The following DCC variants were observed in gnomAD, a reference collection of about 807,000 sequenced individuals.
DCC encodes DCC netrin 1 receptor.
In DCC, 58 loss-of-function variants were observed where a neutral mutation model predicts 172.5. That is an observed-to-expected ratio of 0.34 (90% CI 0.27 to 0.42). DCC has a LOEUF of 0.42. Among genes scored for constraint, DCC ranks in the 10% least tolerant of loss-of-function variants. The probability of loss-of-function intolerance (pLI) is 1.00; values close to 1 mark genes in which losing one functional copy is unlikely to be tolerated. For synonymous variants in DCC, 709 were observed against 644.5 expected, an observed-to-expected ratio of 1.10 and a Z score of -1.52; for missense variants, 1,740 against 1,791.0, an observed-to-expected ratio of 0.97 and a Z score of 0.51.
At chr18:53,300,315 C>G (rs1349679290) in intron 12 of DCC, among the ~76,000 whole-genome samples, 6 of 152,250 alleles carry the variant, frequency 3.9e-5, no homozygotes, top group South Asian at 2.1e-4. Context: ...ACGTTCCCAG[C>G]TGAGGTTGAA....
intron 12 of DCC, among the ~76,000 whole-genome samples, chr18:53,260,331 G>A (rs1192540316): frequency 6.6e-6 from 1 of 152,078 alleles, no homozygotes; most frequent in Non-Finnish European, 1.5e-5. Flanking sequence ...TGTCTTTGTG[G>A]TTTTATCTAC....
At position 53,381,838 on chromosome 18, in the gene DCC, T is replaced by G. The variant is rs539858422; in HGVS notation, c.2360-4205T>G. On this transcript the variant is annotated intron_variant, in intron 15 of 28. Transcript: ENST00000442544. ...CAGGAATTTATTGTATTTATTTAAA[T>G]TATCTGCCAACACTGAAAAATTTGA... Among the ~76,000 whole-genome samples the G allele has an allele frequency of 7.9e-5, 12 of 152,100 alleles. No individual in the cohort carries two copies. The East Asian group carries it at 1.9e-3, about 24-fold the overall frequency.
intron 5 of DCC, among the ~76,000 whole-genome samples, chr18:52,939,441 T>C (rs2040428173): frequency 6.6e-6 from 1 of 152,204 alleles, no homozygotes; most frequent in African/African-American, 2.4e-5. Context: ...GTCTCCCCAG[T>C]GAAATATAAA....
intron 2 of DCC, among the ~76,000 whole-genome samples, chr18:52,845,930 T>C (rs1397369424): frequency 6.6e-6 from 1 of 152,184 alleles, no homozygotes; most frequent in South Asian, 2.1e-4. Flanking sequence ...TTCTGATTGA[T>C]TATACTTAAG....
chr18:53,529,082 A>G (rs2046496322), intron 28 of DCC, among the ~76,000 whole-genome samples: 1 of 145,718 alleles, frequency 6.9e-6, no homozygotes, highest in African/African-American at 2.6e-5. Flanking sequence ...ACACACACAC[A>G]CATTGTATGT....
intron 27 of DCC, among the ~76,000 whole-genome samples, chr18:53,513,845 C>T (rs1337055491): frequency 6.7e-6 from 1 of 149,964 alleles, no homozygotes; most frequent in Non-Finnish European, 1.5e-5. Flanking sequence ...GCGACTTAGA[C>T]TCCCACACAT....
chr18:52,472,982 C>A (rs1988989894), intron 1 of DCC, among the ~76,000 whole-genome samples: 2 of 152,138 alleles, frequency 1.3e-5, no homozygotes, highest in South Asian at 2.1e-4. Context: ...AAGAGTATTT[C>A]AAATTTCAGA....
chr18:52,804,677 C>G (rs1381594020), intron 2 of DCC, among the ~76,000 whole-genome samples: 2 of 152,148 alleles, frequency 1.3e-5, no homozygotes, highest in Non-Finnish European at 2.9e-5. Flanking sequence ...AGCGATTCTC[C>G]TGCTTGAACA....
rs561871787 is a variant in DCC at position 53,100,927 on chromosome 18, GA to G, written c.1261+34762del. Among the ~76,000 whole-genome samples, 50 of 151,822 alleles carry G rather than the reference GA, an allele frequency of 3.3e-4. No individual in the cohort carries two copies. The South Asian group carries it at 0.01, about 32-fold the overall frequency. The stretch of plus-strand genomic sequence containing the variant: ...ATAACCACACAGAGCATATTTTGGA[GA>G]TTCAATTTTTATGTAATGGGTGTCG... On this transcript the variant is annotated intron_variant, in intron 7 of 28. Transcript: ENST00000442544.
intron 2 of DCC, among the ~76,000 whole-genome samples, chr18:52,903,775 G>C (rs936146892): frequency 2.0e-5 from 3 of 152,120 alleles, no homozygotes; most frequent in African/African-American, 7.2e-5. Context: ...CCTCATATCT[G>C]TCACTACTCA....
At chr18:52,889,046 C>A (rs1221463271) in intron 2 of DCC, among the ~76,000 whole-genome samples, 3 of 151,902 alleles carry the variant, frequency 2.0e-5, no homozygotes, top group African/African-American at 7.2e-5. Flanking sequence ...GGAAGCTCAA[C>A]AGGGGAGGGA....
chr18:52,867,171 T>G lies in DCC; in HGVS notation c.413-38873T>G, dbSNP rs139787653. Among the ~76,000 whole-genome samples, 6 of 152,368 alleles carry G rather than the reference T, an allele frequency of 3.9e-5. No homozygotes were observed. In the East Asian group the frequency reaches 1.2e-3, roughly 29 times the overall value. On this transcript the variant is annotated intron_variant, in intron 2 of 28. Coordinates refer to ENST00000442544, the MANE Select transcript of DCC (RefSeq NM_005215.4). ...TTTGTCATTGGTTCTGTTTATGTGA[T>G]GAATTATTTTTATTGATTTGCATAT...
intron 1 of DCC, among the ~76,000 whole-genome samples, chr18:52,595,847 G>T (rs1180485845): frequency 6.6e-6 from 1 of 152,168 alleles, no homozygotes; most frequent in African/African-American, 2.4e-5. Flanking sequence ...GAGCAAGAGA[G>T]GACCTAGGAC....
At chr18:53,435,080 A>G in intron 21 of DCC, 64 bp from the exon 22 acceptor site, 1 of 1,223,320 alleles carries the variant, frequency 8.2e-7, no homozygotes, top group Non-Finnish European at 1.2e-6. Flanking sequence ...TAAAATATTT[A>G]TTCTTTTTGT....
chr18:52,884,473 A>G (rs1598897464), intron 2 of DCC, among the ~76,000 whole-genome samples: 1 of 151,548 alleles, frequency 6.6e-6, no homozygotes, highest in Non-Finnish European at 1.5e-5. Flanking sequence ...CAGTTTTGCT[A>G]TTAAGGGACT....
At chr18:52,630,210 G>A (rs765494258) in intron 1 of DCC, among the ~76,000 whole-genome samples, 2 of 152,178 alleles carry the variant, frequency 1.3e-5, no homozygotes, top group Non-Finnish European at 2.9e-5. Flanking sequence ...TTAGAAATGT[G>A]TCAGTCGTGA....
intron 5 of DCC, among the ~76,000 whole-genome samples, chr18:52,928,604 T>G (rs1183130026): frequency 6.6e-6 from 1 of 152,170 alleles, no homozygotes; most frequent in Admixed American, 6.5e-5. Context: ...GATATACACA[T>G]AGATATATTA....
rs187986566 is a variant in DCC, at chr18:52,524,755, G to A, written c.91+183877G>A. On this transcript the variant is annotated intron_variant, in intron 1 of 28. Coordinates refer to ENST00000442544, the MANE Select transcript of DCC (RefSeq NM_005215.4). ...TCCTTATTAACAACTTTGCAGGTGC[G>A]CCTTGCTGGTGGTGGGAGAGGTAGG... Among the ~76,000 whole-genome samples the A allele has an allele frequency of 6.3e-4, 96 of 152,236 alleles. 1 individual carries two copies. In the South Asian group the frequency reaches 0.018, roughly 28 times the overall value.
At chr18:52,863,075 T>C (rs1303363753) in intron 2 of DCC, among the ~76,000 whole-genome samples, 2 of 152,110 alleles carry the variant, frequency 1.3e-5, no homozygotes, top group African/African-American at 4.8e-5. Flanking sequence ...CTATTTTCTT[T>C]CTTTCCCTTT....
Sources: gnomAD v4.1 joint callset for allele counts (sites outside exome capture counted in the v4.1 genomes callset) on GRCh38, gnomAD v4.1.1 for gene constraint, MANE v1.5 for transcripts, NCBI Gene and HGNC (gene_info 2026-07-23, HGNC 2026-07-21) for gene names.